Variants in SPOCK1 observed in about 807,000 individuals in gnomAD.
SPOCK1 encodes testican-1.
SPOCK1 carries 23 observed loss-of-function variants against 55.3 expected under a neutral mutation model. That is an observed-to-expected ratio of 0.42 (90% CI 0.30 to 0.59). The LOEUF (loss-of-function observed/expected upper bound fraction) is 0.59. SPOCK1 is among the 20% of genes least tolerant of loss of function. The probability of loss-of-function intolerance (pLI) is 0.22; values close to 1 mark genes in which losing one functional copy is unlikely to be tolerated. For missense variants in SPOCK1, 499 were observed against 552.5 expected, an observed-to-expected ratio of 0.90 and a Z score of 0.97; for synonymous variants, 226 against 221.0, an observed-to-expected ratio of 1.02 and a Z score of -0.20.
At chr5:136,992,705 C>G in intron 6 of SPOCK1, 105 bp from the exon 7 acceptor site, 2 of 757,206 alleles carry the variant, frequency 2.6e-6, no homozygotes, top group Non-Finnish European at 4.3e-6. Flanking sequence ...TCTATCCAAC[C>G]ACGATATAAC....
At chr5:137,240,855 A>G (rs1200248228) in intron 3 of SPOCK1, among the ~76,000 whole-genome samples, 1 of 152,224 alleles carries the variant, frequency 6.6e-6, no homozygotes, top group Non-Finnish European at 1.5e-5. Flanking sequence ...CTGGTACTGG[A>G]ATGTGACTAT....
intron 2 of SPOCK1, among the ~76,000 whole-genome samples, chr5:137,384,555 C>T (rs1442224606): frequency 7.4e-6 from 1 of 135,478 alleles, no homozygotes; most frequent in Non-Finnish European, 1.5e-5. Context: ...CACACATATA[C>T]ATACATACAT....
intron 3 of SPOCK1, among the ~76,000 whole-genome samples, chr5:137,251,174 G>A (rs771409345): frequency 2.0e-5 from 3 of 152,108 alleles, no homozygotes; most frequent in Non-Finnish European, 2.9e-5. Flanking sequence ...GCTGTCTGAG[G>A]GCCACGCACT....
chr5:137,188,044 T>C lies in SPOCK1; in HGVS notation c.233-47350A>G, dbSNP rs1755108293. Among the ~76,000 whole-genome samples the C allele has an allele frequency of 2.6e-5, 4 of 152,172 alleles. No individual in the cohort carries two copies. In the South Asian group the frequency reaches 8.3e-4, roughly 32 times the overall value. On this transcript the variant is annotated intron_variant, in intron 3 of 10. Coordinates refer to ENST00000394945, the MANE Select transcript of SPOCK1 (RefSeq NM_004598.4). Reference sequence around the variant, plus strand: ...GAACACATCTCTTGCTTAGCAGCAGTGTAGAGAAGAGGAGTTACAATCCTA... The same window carrying C: ...GAACACATCTCTTGCTTAGCAGCAGCGTAGAGAAGAGGAGTTACAATCCTA...
chr5:137,303,772 G>C (rs1321292724), intron 2 of SPOCK1, among the ~76,000 whole-genome samples: 1 of 152,208 alleles, frequency 6.6e-6, no homozygotes, highest in African/African-American at 2.4e-5. Flanking sequence ...AAGGCCTGGA[G>C]ACCAGGCTGG....
chr5:137,249,017 A>C (rs1292290482), intron 3 of SPOCK1, among the ~76,000 whole-genome samples: 1 of 152,226 alleles, frequency 6.6e-6, no homozygotes, highest in Non-Finnish European at 1.5e-5. Context: ...ACCGTGTATT[A>C]ATTCTCTACA....
At chr5:137,356,838 T>G (rs10037712) in intron 2 of SPOCK1, among the ~76,000 whole-genome samples, 1,234 of 5,416 alleles carry the variant, frequency 0.23, 191 homozygotes, top group African/African-American at 0.32. Flanking sequence ...TATATATATA[T>G]AGAGAGAGAG....
rs1750627872 is a variant in SPOCK1 at position 136,976,904 on chromosome 5, C to T, written c.*1750G>A. 6.6e-6 allele frequency: 1 copy of T among 152,212 alleles called. No homozygotes were observed. The highest frequency in any genetic ancestry group is 1.5e-5 in the Non-Finnish European group (1 of 68,054). The allele number at this position is 152,212 out of a possible 1,614,324, so 9.4% of individuals were successfully genotyped here. A position where few individuals can be genotyped will look rare whatever the true frequency, so the allele number is the denominator to read the frequency against. ...CATGCTAATTTAAGGTGAGTTGGTA[C>T]ATCTAAATGGTCAATTTGGGATGGG... On this transcript the variant is annotated 3_prime_UTR_variant, in exon 11 of 11. Coordinates refer to ENST00000394945, the MANE Select transcript of SPOCK1 (RefSeq NM_004598.4).
At chr5:137,410,196 A>T (rs960083651) in intron 2 of SPOCK1, among the ~76,000 whole-genome samples, 2 of 152,160 alleles carry the variant, frequency 1.3e-5, no homozygotes, top group Non-Finnish European at 2.9e-5. Flanking sequence ...TTCGGCATTC[A>T]CAGGCACTTA....
intron 2 of SPOCK1, among the ~76,000 whole-genome samples, chr5:137,451,802 A>G (rs928798306): frequency 6.6e-6 from 1 of 152,146 alleles, no homozygotes; most frequent in East Asian, 1.9e-4. Flanking sequence ...TGCTTCACCC[A>G]TTTACATTTG....
intron 2 of SPOCK1, among the ~76,000 whole-genome samples, chr5:137,412,107 C>G (rs1013836179): frequency 6.6e-6 from 1 of 152,166 alleles, no homozygotes; most frequent in South Asian, 2.1e-4. Context: ...ATGGACTGCA[C>G]GAGCCCAATG....
intron 2 of SPOCK1, among the ~76,000 whole-genome samples, chr5:137,414,012 T>C (rs1206944734): frequency 6.6e-6 from 1 of 152,202 alleles, no homozygotes; most frequent in African/African-American, 2.4e-5. Context: ...GTCTCCCAAC[T>C]ATTGGTTCAA....
chr5:137,146,961 G>A (rs543515233), intron 3 of SPOCK1, among the ~76,000 whole-genome samples: 35 of 152,354 alleles, frequency 2.3e-4, no homozygotes, highest in Admixed American at 5.2e-4. Context: ...GCAGAGGAGA[G>A]AAAGATGAGT....
chr5:137,124,180 GA>G (rs1753736860), intron 4 of SPOCK1, among the ~76,000 whole-genome samples: 1 of 152,178 alleles, frequency 6.6e-6, no homozygotes, highest in African/African-American at 2.4e-5. Flanking sequence ...AGACTGGCAG[GA>G]AATCACATAT....
intron 2 of SPOCK1, among the ~76,000 whole-genome samples, chr5:137,332,014 G>A (rs1758194627): frequency 6.6e-6 from 1 of 152,118 alleles, no homozygotes; most frequent in Non-Finnish European, 1.5e-5. Context: ...CACATTCAAA[G>A]TAACACACAC....
intron 5 of SPOCK1, among the ~76,000 whole-genome samples, chr5:137,070,747 T>C (rs1469250491): frequency 6.6e-6 from 1 of 152,122 alleles, no homozygotes; most frequent in African/African-American, 2.4e-5. Context: ...CCTCTCTGGG[T>C]GGCCTTGCCA....
chr5:136,985,002 C>A, intron 9 of SPOCK1, 138 bp downstream of exon 9: 1 of 863,274 alleles, frequency 1.2e-6, no homozygotes, highest in Non-Finnish European at 1.9e-6. Context: ...CCTGGAAGAG[C>A]TCTGCCTGGG....
chr5:137,498,770 G>A (rs1367566233), intron 1 of SPOCK1, among the ~76,000 whole-genome samples: 1 of 152,184 alleles, frequency 6.6e-6, no homozygotes, highest in Non-Finnish European at 1.5e-5. Context: ...GCTGCGTCAC[G>A]AATCCGAGGC....
chr5:137,160,330 ATT>A (rs1754502065), intron 3 of SPOCK1, among the ~76,000 whole-genome samples: 1 of 124,410 alleles, frequency 8.0e-6, no homozygotes, highest in Non-Finnish European at 1.7e-5. Flanking sequence ...TAATATATAT[ATT>A]ATATATATTA....
Sources: gnomAD v4.1 joint callset for allele counts (sites outside exome capture counted in the v4.1 genomes callset) on GRCh38, gnomAD v4.1.1 for gene constraint, MANE v1.5 for transcripts, NCBI Gene and HGNC (gene_info 2026-07-23, HGNC 2026-07-21) for gene names.